Variants in SATB2 observed in about 807,000 individuals in gnomAD.
The protein encoded by SATB2 is SATB homeobox 2.
SATB2 carries 1 observed loss-of-function variant against 73.4 expected under a neutral mutation model. The ratio of observed to expected loss-of-function variants is 0.01; its 90% CI spans 0.00 to 0.06. The LOEUF (loss-of-function observed/expected upper bound fraction) is 0.06. Ranked by LOEUF, SATB2 falls within the 10% of genes least tolerant of loss-of-function variation. The probability of loss-of-function intolerance (pLI) is 1.00; values close to 1 mark genes in which losing one functional copy is unlikely to be tolerated. For missense variants in SATB2, 459 were observed against 945.8 expected (o/e 0.49, Z 6.75); for synonymous variants, 397 against 367.0 (o/e 1.08, Z -0.93).
At chr2:199,459,169 T>C (rs900284509), upstream of SATB2, among the ~76,000 whole-genome samples, 12 of 152,030 alleles carry the variant, frequency 7.9e-5, no homozygotes, top group Non-Finnish European at 1.6e-4. This position sits in a 1 kb window ranked among gnomAD's most constrained non-coding sequence, Gnocchi z 4.2. Flanking sequence ...CTGGGGCTCC[T>C]GGGGACCCCA....
At chr2:199,403,588 C>T (rs1051467947) in intron 3 of SATB2, among the ~76,000 whole-genome samples, 10 of 152,036 alleles carry the variant, frequency 6.6e-5, no homozygotes, top group Admixed American at 1.3e-4. Flanking sequence ...ACTTTTAAAT[C>T]GCTGCTCTTT....
At chr2:199,323,555 T>A (rs1687949576) in intron 9 of SATB2, among the ~76,000 whole-genome samples, 1 of 150,938 alleles carries the variant, frequency 6.6e-6, no homozygotes, top group South Asian at 2.1e-4. Context: ...GTGTTTAGAA[T>A]AAGGAGAGAA....
chr2:199,307,390 G>A (rs986842786), intron 10 of SATB2, among the ~76,000 whole-genome samples: 2 of 152,182 alleles, frequency 1.3e-5, no homozygotes, highest in Non-Finnish European at 2.9e-5. Flanking sequence ...CTGAGTACAC[G>A]GGTTTAATTA....
intron 10 of SATB2, among the ~76,000 whole-genome samples, chr2:199,292,519 G>A (rs1040866398): frequency 2.2e-4 from 33 of 152,190 alleles, no homozygotes; most frequent in African/African-American, 7.7e-4. Context: ...TGTTGACAGA[G>A]TATAAGAAAA....
chr2:199,439,190 C>T (rs1207291262), intron 2 of SATB2, among the ~76,000 whole-genome samples: 1 of 152,258 alleles, frequency 6.6e-6, no homozygotes, highest in Non-Finnish European at 1.5e-5. Context: ...CAAAGGCTCA[C>T]ATGAATGGTC....
intron 3 of SATB2, among the ~76,000 whole-genome samples, chr2:199,421,930 C>T (rs992598034): frequency 1.5e-4 from 23 of 152,142 alleles, no homozygotes; most frequent in Non-Finnish European, 2.5e-4. Context: ...TAAATGTTGA[C>T]GTAAATTACT....
intron 3 of SATB2, among the ~76,000 whole-genome samples, chr2:199,389,345 C>T (rs920825627): frequency 5.3e-5 from 8 of 152,114 alleles, no homozygotes; most frequent in African/African-American, 1.9e-4. Context: ...TTTCAACTGG[C>T]TTGCATTGGG....
intron 3 of SATB2, among the ~76,000 whole-genome samples, chr2:199,415,673 A>G (rs940214615): frequency 6.6e-6 from 1 of 152,204 alleles, no homozygotes; most frequent in Non-Finnish European, 1.5e-5. Flanking sequence ...GATTTATCCA[A>G]TGAGGTTGTG....
At chr2:199,398,447 GT>G (rs1690369137) in intron 3 of SATB2, among the ~76,000 whole-genome samples, 1 of 152,148 alleles carries the variant, frequency 6.6e-6, no homozygotes, top group Non-Finnish European at 1.5e-5. Flanking sequence ...TTTTCCTCTT[GT>G]TAATCTGTCT....
chr2:199,269,622 G>T lies in SATB2; in HGVS notation c.*2589C>A, dbSNP rs2105701320. 6.8e-6 allele frequency: 1 copy of T among 146,224 alleles called. No individual in the cohort carries two copies. The highest frequency in any genetic ancestry group is 2.2e-4 in the South Asian group (1 of 4,594). The allele number at this position is 146,224 out of a possible 1,614,324, so 9.1% of individuals were successfully genotyped here. ...AGATAGTTGATTTACATGGAAAAAA[G>T]AACATTTACAATATGTTAATCCTTA... On this transcript the variant is annotated 3_prime_UTR_variant, in exon 11 of 11. Transcript: ENST00000417098.
chr2:199,357,377 C>T (rs1689017515), intron 6 of SATB2, among the ~76,000 whole-genome samples: 1 of 152,130 alleles, frequency 6.6e-6, no homozygotes, highest in Non-Finnish European at 1.5e-5. Context: ...GTTGAATCAG[C>T]TAGTCACTTA....
chr2:199,420,418 G>A (rs1315450941), intron 3 of SATB2, among the ~76,000 whole-genome samples: 1 of 151,918 alleles, frequency 6.6e-6, no homozygotes, highest in Non-Finnish European at 1.5e-5. Context: ...TAGGAGATGA[G>A]AAAAAAACAT....
Position 199,312,042 on chromosome 2 carries a change from C to CAA in SATB2, c.1543-3087_1543-3086dup, listed in dbSNP as rs35945320. Among the ~76,000 whole-genome samples, 12 of 130,706 alleles carry CAA rather than the reference C, an allele frequency of 9.2e-5. No individual in the cohort carries two copies. The East Asian group carries it at 1.1e-3, about 12-fold the overall frequency. The allele number at this position is 130,706 out of a possible 152,430, so 85.7% of individuals were successfully genotyped here. ...TCCAAGAAAGTTTTGCAGTATCAGGCAAAAAAAAAAAAGTGTAAATGTCAA... is the reference window on the plus strand; with the variant it reads ...TCCAAGAAAGTTTTGCAGTATCAGGCAAAAAAAAAAAAAAGTGTAAATGTCAA... On this transcript the variant is annotated intron_variant, in intron 9 of 10. Coordinates refer to ENST00000417098, the MANE Select transcript of SATB2 (RefSeq NM_001172509.2).
intron 3 of SATB2, among the ~76,000 whole-genome samples, chr2:199,383,392 G>A (rs992584218): frequency 4.6e-5 from 7 of 152,026 alleles, no homozygotes; most frequent in African/African-American, 1.7e-4. Context: ...CGAGAGAGTG[G>A]GTCTGCTTCC....
At chr2:199,359,029 T>C (rs1689065132) in intron 6 of SATB2, among the ~76,000 whole-genome samples, 1 of 152,190 alleles carries the variant, frequency 6.6e-6, no homozygotes, top group Admixed American at 6.5e-5. Context: ...AATCTAAAAC[T>C]ATAATTTCTA....
intron 1 of SATB2, chr2:199,470,237 C>T (rs1336561118): frequency 6.6e-6 from 1 of 152,278 alleles, no homozygotes; most frequent in Non-Finnish European, 1.5e-5. Context: ...AGGGCTAAGA[C>T]GACTCTTCCA....
chr2:199,299,115 A>T (rs756253931), intron 10 of SATB2, among the ~76,000 whole-genome samples: 1 of 152,204 alleles, frequency 6.6e-6, no homozygotes, highest in South Asian at 2.1e-4. Flanking sequence ...TAACTTGGAG[A>T]AGTCATTCTG....
intron 7 of SATB2, among the ~76,000 whole-genome samples, chr2:199,333,184 T>C (rs960796358): frequency 6.6e-6 from 1 of 152,042 alleles, no homozygotes; most frequent in Non-Finnish European, 1.5e-5. Context: ...AGTCTATTAA[T>C]TCATTTCTTA....
chr2:199,298,674 C>T (rs1454170903), intron 10 of SATB2, among the ~76,000 whole-genome samples: 1 of 152,132 alleles, frequency 6.6e-6, no homozygotes, highest in South Asian at 2.1e-4. Flanking sequence ...CCTATTTCAA[C>T]TGTTAATTAC....
Sources: allele counts gnomAD v4.1 joint callset (sites outside exome capture counted in the v4.1 genomes callset), GRCh38; gene constraint gnomAD v4.1.1; non-coding constraint Gnocchi (gnomAD v3.1); transcripts MANE v1.5; gene names NCBI Gene and HGNC (gene_info 2026-07-23, HGNC 2026-07-21).